The following SLC25A36 variants were observed in gnomAD, a reference collection of about 807,000 sequenced individuals.
SLC25A36 encodes solute carrier family 25 member 36.
A neutral mutation model predicts 35.3 loss-of-function variants in SLC25A36; 24 were observed. The observed-to-expected ratio is 0.68, with a 90% CI of 0.49 to 0.96. SLC25A36 has a LOEUF of 0.96. Ranked by LOEUF, SLC25A36 falls within the 40% of genes least tolerant of loss-of-function variation. SLC25A36 has a pLI of 0.00. For synonymous variants in SLC25A36, 141 were observed against 132.2 expected (o/e 1.07, Z -0.46); for missense variants, 294 against 381.1 (o/e 0.77, Z 1.90).
intron 4 of SLC25A36, chr3:140,964,193 T>TA (rs1934703888): frequency 6.6e-6 from 1 of 151,964 alleles, no homozygotes; most frequent in Non-Finnish European, 1.5e-5. Context: ...ATTTGACCTA[T>TA]ATACTTCATG....
intron 5 of SLC25A36, 172 bp from the exon 6 acceptor site, chr3:140,973,544 A>G (rs1934960184): frequency 2.0e-6 from 1 of 494,094 alleles, no homozygotes; most frequent in Non-Finnish European, 3.3e-6. Flanking sequence ...CCCATTTAAT[A>G]TGACAAATTT....
chr3:140,963,190 T>A lies in SLC25A36; in HGVS notation c.348T>A (p.Asp116Glu). Residue 116 changes from aspartate to glutamate, a missense_variant, in exon 4 of 7, where the codon GAT (aspartate) becomes GAA (glutamate). Around this residue, in one of 2 missense-constraint regions of SLC25A36, gnomAD observed 185 missense variants for 201.5 expected, o/e 0.92. Coordinates refer to ENST00000324194, the MANE Select transcript of SLC25A36 (RefSeq NM_001104647.3). ...KEKLNDVFDPDSTQVHMISAA... is the reference protein window; with the variant it reads ...KEKLNDVFDPESTQVHMISAA... ...AGTTGAATGATGTATTTGATCCTGA[T>A]TCTACCCAAGTACATATGATTTCAG... 1 of 1,598,326 alleles carries A rather than the reference T, an allele frequency of 6.3e-7. No homozygotes were observed. The highest frequency in any genetic ancestry group is 8.5e-7 in the Non-Finnish European group (1 of 1,176,452).
At chr3:140,959,069 G>A (rs1934563605) in intron 2 of SLC25A36, among the ~76,000 whole-genome samples, 1 of 146,034 alleles carries the variant, frequency 6.8e-6, no homozygotes, top group East Asian at 2.0e-4. Context: ...AGGCTGGAGT[G>A]CAGTGGCGCA....
At chr3:140,950,625 T>C (rs1934293846) in intron 1 of SLC25A36, among the ~76,000 whole-genome samples, 1 of 152,204 alleles carries the variant, frequency 6.6e-6, no homozygotes, top group Non-Finnish European at 1.5e-5. Context: ...TTGTCCCAGA[T>C]GTATAGTTTG....
Position 140,959,488 on chromosome 3 carries a change from C to A in SLC25A36, c.232C>A (p.Arg78Ser). The A allele has an allele frequency of 6.6e-7, 1 of 1,519,790 alleles. No individual in the cohort carries two copies. The highest frequency in any genetic ancestry group is 2.5e-5 in the Admixed American group (1 of 40,088). The allele number at this position is 1,519,790 out of a possible 1,614,324, so 94.1% of individuals were successfully genotyped here. The change falls in exon 3 of 7, where the codon CGT (arginine) becomes AGT (serine). Residue 78 changes from arginine to serine, a missense_variant. This residue lies in a region of SLC25A36 where 185 missense variants were observed against 201.5 expected (regional missense o/e 0.92). Transcript: ENST00000324194. Reference sequence around the variant, plus strand: ...GGTGATCTTGGAAAAAGAAGGGCCTCGTTCCTTGTTTAGAGGACTAGGCCC... The same window carrying A: ...GGTGATCTTGGAAAAAGAAGGGCCTAGTTCCTTGTTTAGAGGACTAGGCCC... ...LKVILEKEGP[R>S]SLFRGLGPNL...
chr3:140,974,499 GT>G (rs1237693034), intron 6 of SLC25A36, among the ~76,000 whole-genome samples: 2 of 152,130 alleles, frequency 1.3e-5, no homozygotes, highest in Admixed American at 6.6e-5. Context: ...TTGAATTAAA[GT>G]CTGTAATCCC....
At chr3:140,956,847 A>T in intron 2 of SLC25A36, 156 bp downstream of exon 2, 1 of 1,195,280 alleles carries the variant, frequency 8.4e-7, no homozygotes, top group Non-Finnish European at 1.1e-6. Flanking sequence ...GATAATCCCT[A>T]ATGGAGAAGA....
chr3:140,956,014 T>C (rs1162669301), intron 1 of SLC25A36, among the ~76,000 whole-genome samples: 1 of 152,212 alleles, frequency 6.6e-6, no homozygotes, highest in East Asian at 1.9e-4. Context: ...TTTTTGTAGG[T>C]GAAATACTTC....
At chr3:140,968,017 A>G (rs1297013250) in intron 4 of SLC25A36, 27 of 984,908 alleles carry the variant, frequency 2.7e-5, no homozygotes, top group Non-Finnish European at 3.3e-5. Flanking sequence ...CACCATTCCC[A>G]GTATCTTTGT....
intron 1 of SLC25A36, among the ~76,000 whole-genome samples, chr3:140,955,098 T>A (rs1227149549): frequency 6.6e-6 from 1 of 152,160 alleles, no homozygotes; most frequent in Non-Finnish European, 1.5e-5. Context: ...GCATAAGTTT[T>A]TCACTCTAGT....
chr3:140,960,024 T>G (rs771439090), intron 3 of SLC25A36, among the ~76,000 whole-genome samples: 11 of 152,098 alleles, frequency 7.2e-5, no homozygotes, highest in Non-Finnish European at 1.6e-4. Flanking sequence ...TAATCAAAGT[T>G]GAAAATAATG....
Position 140,974,773 on chromosome 3 carries a change from G to A in SLC25A36, c.742+768G>A, listed in dbSNP as rs867718868. On this transcript the variant is annotated intron_variant, in intron 6 of 6. Transcript: ENST00000324194. ...TCACTTACACTGATTAATATTTACC[G>A]TCTCCATTGTATATTATATCAGGAA... Among the ~76,000 whole-genome samples the A allele has an allele frequency of 3.3e-5, 5 of 151,920 alleles. No homozygotes were observed. In the East Asian group the frequency reaches 9.7e-4, roughly 29 times the overall value.
intron 5 of SLC25A36, among the ~76,000 whole-genome samples, chr3:140,971,734 A>G (rs1394378566): frequency 6.6e-6 from 1 of 152,190 alleles, no homozygotes; most frequent in Non-Finnish European, 1.5e-5. Flanking sequence ...GCTTTAGAAT[A>G]GAGACTCTTA....
At chr3:140,976,000 A>G (rs1222610905) in intron 6 of SLC25A36, among the ~76,000 whole-genome samples, 1 of 152,170 alleles carries the variant, frequency 6.6e-6, no homozygotes. Flanking sequence ...TATCTAGCAT[A>G]CAACTGATAC....
intron 4 of SLC25A36, chr3:140,968,773 T>C: frequency 9.7e-6 from 7 of 720,284 alleles, no homozygotes; most frequent in Non-Finnish European, 1.2e-5. Flanking sequence ...AACTTTTATT[T>C]AAAAAAAAAA....
Position 140,978,602 on chromosome 3 carries a change from A to G in SLC25A36, c.*2149A>G, listed in dbSNP as rs1935112574. 6.6e-6 allele frequency: 1 copy of G among 152,196 alleles called. No individual in the cohort carries two copies. The highest frequency in any genetic ancestry group is 1.5e-5 in the Non-Finnish European group (1 of 68,024). The allele number at this position is 152,196 out of a possible 1,614,324, so 9.4% of individuals were successfully genotyped here. ...CTTCAAGGATAAACATATATTCTCTATTTGTATTTAGCAAGTAAAACTTGT... is the reference window on the plus strand; with the variant it reads ...CTTCAAGGATAAACATATATTCTCTGTTTGTATTTAGCAAGTAAAACTTGT... On this transcript the variant is annotated 3_prime_UTR_variant, in exon 7 of 7. Transcript: ENST00000324194.
At chr3:140,942,247 G>T (rs1427629147) in intron 1 of SLC25A36, 152 bp downstream of exon 1, 2 of 216,478 alleles carry the variant, frequency 9.2e-6, no homozygotes, top group Non-Finnish European at 1.7e-5. Context: ...CGGGTGAGGG[G>T]AGCGACCCAG....
chr3:140,960,062 A>G (rs1337129170), intron 3 of SLC25A36, among the ~76,000 whole-genome samples: 1 of 152,178 alleles, frequency 6.6e-6, no homozygotes, highest in Non-Finnish European at 1.5e-5. Context: ...TATATTGCAT[A>G]GACTAGGAGA....
At chr3:140,958,965 TG>T (rs1409776388) in intron 2 of SLC25A36, among the ~76,000 whole-genome samples, 5 of 77,762 alleles carry the variant, frequency 6.4e-5, no homozygotes, top group African/African-American at 3.7e-4. Context: ...ATGTTTTGTG[TG>T]TGTGTGTGTG....
Sources: gnomAD v4.1 joint callset for allele counts (sites outside exome capture counted in the v4.1 genomes callset) on GRCh38, gnomAD v4.1.1 for gene constraint, gnomAD v4.1.1 regional missense constraint, MANE v1.5 for transcripts, NCBI Gene and HGNC (gene_info 2026-07-23, HGNC 2026-07-21) for gene names.